Variants in VXN observed in about 807,000 individuals in gnomAD.
The protein encoded by VXN is vexin.
Under a neutral mutation model 23.1 loss-of-function variants are expected in VXN, and 7 were observed. The observed-to-expected ratio is 0.30, with a 90% CI of 0.17 to 0.57. The LOEUF (loss-of-function observed/expected upper bound fraction) is 0.57, where lower values mean the gene tolerates loss of function less well. Among genes scored for constraint, VXN ranks in the 20% least tolerant of loss-of-function variants. The pLI, the probability that VXN is intolerant of heterozygous loss-of-function variation, is 0.91. For missense variants in VXN, 238 were observed against 272.6 expected, an observed-to-expected ratio of 0.87 and a Z score of 0.89; for synonymous variants, 120 against 105.8, an observed-to-expected ratio of 1.13 and a Z score of -0.83.
rs1807588556 is a variant in VXN, at chr8:66,493,584, T to G, written c.-65T>G. The G allele has an allele frequency of 7.1e-7, 1 of 1,413,232 alleles. No homozygotes were observed. Among genetic ancestry groups the G allele is most frequent in the Non-Finnish European group, 1.0e-6 (1 of 1,000,642 alleles). The allele number at this position is 1,413,232 out of a possible 1,614,324, so 87.5% of individuals were successfully genotyped here. On this transcript the variant is annotated 5_prime_UTR_variant, in exon 1 of 6. Transcript: ENST00000305454. ...CTGAGCCAGACTGGATTAGGATGCC[T>G]CGCGACTAGGGGTCCAGAGACAGAG...
chr8:66,496,549 C>T (rs1807628550), intron 2 of VXN, 57 bp downstream of exon 2: 2 of 1,512,222 alleles, frequency 1.3e-6, no homozygotes, highest in East Asian at 2.3e-5. Flanking sequence ...AAAGCAATGC[C>T]AGGCTTCTTC....
chr8:66,501,423 A>T (rs1185590888), intron 2 of VXN: 3 of 152,122 alleles, frequency 2.0e-5, no homozygotes, highest in Non-Finnish European at 2.9e-5. Context: ...GTCCCTGAAA[A>T]CTCAATCCCA....
At chr8:66,507,460 G>T (rs1807772393) in intron 3 of VXN, among the ~76,000 whole-genome samples, 1 of 152,168 alleles carries the variant, frequency 6.6e-6, no homozygotes. Context: ...CATTGCTTGT[G>T]AGCAACAGAG....
chr8:66,510,403 A>G, intron 4 of VXN: 2 of 468,826 alleles, frequency 4.3e-6, no homozygotes, highest in Non-Finnish European at 7.5e-6. Context: ...CAAACAAAAG[A>G]AGCTATTATC....
Position 66,505,413 on chromosome 8 carries a change from G to T in VXN, c.165G>T (p.Leu55=). 6.3e-7 allele frequency: 1 copy of T among 1,581,294 alleles called. No individual in the cohort carries two copies. The highest frequency in any genetic ancestry group is 2.3e-5 in the East Asian group (1 of 43,558). Residue 55 remains leucine (L), a synonymous_variant, in exon 3 of 6, where the codon CTG becomes CTT. Coordinates refer to ENST00000305454, the MANE Select transcript of VXN (RefSeq NM_152765.4). ...CGGACCTGTACACGCACCAGCCCCT[G>T]GAGCTGCTGCCCCACCGCGGAGACC... ...IESDLYTHQP[L]ELLPHRGDRR... is the part of the protein sequence containing the mutation.
At chr8:66,508,260 G>T (rs779355601) in intron 3 of VXN, among the ~76,000 whole-genome samples, 12 of 151,970 alleles carry the variant, frequency 7.9e-5, no homozygotes, top group Admixed American at 2.6e-4. Context: ...TAGCCCTCTT[G>T]GTACCTACCT....
chr8:66,510,062 C>A, intron 3 of VXN, 34 bp from the exon 4 acceptor site: 2 of 1,587,598 alleles, frequency 1.3e-6, no homozygotes, highest in Non-Finnish European at 1.7e-6. Flanking sequence ...CACAGAGTAC[C>A]ACTGAGTAAT....
In VXN at chr8:66,515,885, T is replaced by G. The variant is rs1254603493; in HGVS notation, c.441-8T>G. On this transcript the variant is annotated splice_region_variant and splice_polypyrimidine_tract_variant and intron_variant, in intron 5 of 5. Transcript: ENST00000305454. ...CACCCTCCCCACCCACTCCTGGCTTTTCTTTAGATCCAGACATCTCAAGAA... is the reference window on the plus strand; with the variant it reads ...CACCCTCCCCACCCACTCCTGGCTTGTCTTTAGATCCAGACATCTCAAGAA... 1 of 1,569,462 alleles carries G rather than the reference T, an allele frequency of 6.4e-7. No homozygotes were observed. The highest frequency in any genetic ancestry group is 1.9e-5 in the Admixed American group (1 of 52,478).
chr8:66,509,078 C>G (rs1419848925), intron 3 of VXN, among the ~76,000 whole-genome samples: 2 of 152,216 alleles, frequency 1.3e-5, no homozygotes, highest in African/African-American at 2.4e-5. Context: ...GCCTGGCGTA[C>G]AGACAAAAAT....
intron 5 of VXN, among the ~76,000 whole-genome samples, chr8:66,515,529 T>C (rs1807877566): frequency 6.6e-6 from 1 of 152,220 alleles, no homozygotes; most frequent in Admixed American, 6.5e-5. Context: ...CCAGACCTCA[T>C]GCTCTTTCAA....
intron 2 of VXN, among the ~76,000 whole-genome samples, chr8:66,497,019 G>T (rs900796050): frequency 6.6e-6 from 1 of 152,100 alleles, no homozygotes; most frequent in African/African-American, 2.4e-5. Flanking sequence ...CAAGTAGCTG[G>T]GACTACAGGC....
intron 3 of VXN, among the ~76,000 whole-genome samples, chr8:66,506,809 G>C (rs1807764553): frequency 6.7e-6 from 1 of 148,646 alleles, no homozygotes; most frequent in Non-Finnish European, 1.5e-5. Context: ...CTATTAAGTG[G>C]TTACATACAC....
Position 66,505,501 on chromosome 8 carries a change from C to T in VXN, c.253C>T (p.His85Tyr), listed in dbSNP as rs1424621396. 1 of 1,549,974 alleles carries T rather than the reference C, an allele frequency of 6.5e-7. No homozygotes were observed. The highest frequency in any genetic ancestry group is 8.7e-7 in the Non-Finnish European group (1 of 1,150,706). ...CCAGACCGCGCGGCCGCCCACAGCC[C>T]ACCCGGCCAAAGCCTCTGCCAGACC... Reference protein sequence around the residue: ...RLQTARPPTAHPAKASARPVG... With the variant: ...RLQTARPPTAYPAKASARPVG... The change falls in exon 3 of 6, where the codon CAC (histidine) becomes TAC (tyrosine). Residue 85 changes from histidine (H) to tyrosine (Y), a missense_variant. Physicochemically the swap from His to Tyr is moderately conservative, Grantham distance 83. Around this residue, in one of 2 missense-constraint regions of VXN, gnomAD observed 223 missense variants for 236.9 expected, o/e 0.94. Transcript: ENST00000305454.
At chr8:66,508,173 TC>T (rs1563508118) in intron 3 of VXN, among the ~76,000 whole-genome samples, 1 of 152,012 alleles carries the variant, frequency 6.6e-6, no homozygotes, top group Non-Finnish European at 1.5e-5. Flanking sequence ...CTGGGATGTT[TC>T]CCCTAATGCC....
chr8:66,515,468 G>A (rs1247741978), intron 5 of VXN, among the ~76,000 whole-genome samples: 1 of 152,216 alleles, frequency 6.6e-6, no homozygotes, highest in African/African-American at 2.4e-5. Context: ...GCTGGTAAAG[G>A]TTAAGTCACT....
intron 2 of VXN, among the ~76,000 whole-genome samples, chr8:66,502,426 A>G (rs933363446): frequency 6.6e-6 from 1 of 152,182 alleles, no homozygotes; most frequent in African/African-American, 2.4e-5. Flanking sequence ...GTAAGGAGGA[A>G]TATATGTGGG....
intron 2 of VXN, among the ~76,000 whole-genome samples, chr8:66,496,779 C>T (rs1272907551): frequency 1.3e-5 from 2 of 152,050 alleles, no homozygotes; most frequent in Non-Finnish European, 2.9e-5. Context: ...ACAGAGTTCA[C>T]GATGTGGACA....
chr8:66,510,306 C>A, intron 4 of VXN, 149 bp downstream of exon 4: 2 of 650,938 alleles, frequency 3.1e-6, no homozygotes, highest in Non-Finnish European at 5.2e-6. Context: ...TCTTTGCTCC[C>A]AAAAGCTCTC....
chr8:66,509,824 C>G (rs1272043582), intron 3 of VXN, among the ~76,000 whole-genome samples: 1 of 151,972 alleles, frequency 6.6e-6, no homozygotes, highest in South Asian at 2.1e-4. Context: ...CAGCCTCCCC[C>G]CATCAACATC....
Sources: gnomAD v4.1 joint callset for allele counts (sites outside exome capture counted in the v4.1 genomes callset) on GRCh38, gnomAD v4.1.1 for gene constraint, gnomAD v4.1.1 regional missense constraint, MANE v1.5 for transcripts, NCBI Gene and HGNC (gene_info 2026-07-23, HGNC 2026-07-21) for gene names.